C12orf56: variants seen among roughly 807,000 people sequenced by gnomAD.
The protein encoded by C12orf56 is uncharacterized protein C12orf56.
In C12orf56, 71 loss-of-function variants were observed where a neutral mutation model predicts 69.9. The ratio of observed to expected loss-of-function variants is 1.02; its 90% CI spans 0.84 to 1.24. The LOEUF is 1.24. Among genes scored for constraint, C12orf56 ranks in the 50% most tolerant of loss-of-function variants. The pLI is 0.00. For missense variants in C12orf56, 732 were observed against 738.5 expected, an observed-to-expected ratio of 0.99 and a Z score of 0.10; for synonymous variants, 276 against 274.1, an observed-to-expected ratio of 1.01 and a Z score of -0.07.
chr12:64,355,248 A>T (rs1485990461), intron 1 of C12orf56, among the ~76,000 whole-genome samples: 1 of 152,194 alleles, frequency 6.6e-6, no homozygotes, highest in African/African-American at 2.4e-5. Context: ...TATAAAATCT[A>T]AATCAAAGTA....
chr12:64,281,251 C>T (rs763678531), intron 8 of C12orf56, among the ~76,000 whole-genome samples: 17 of 149,230 alleles, frequency 1.1e-4, no homozygotes, highest in African/African-American at 2.2e-4. Context: ...CCAGCCCTGG[C>T]GACAGAGCAA....
intron 6 of C12orf56, among the ~76,000 whole-genome samples, chr12:64,294,578 A>C (rs919159617): frequency 6.6e-6 from 1 of 152,180 alleles, no homozygotes; most frequent in African/African-American, 2.4e-5. Context: ...CAGTCACAAA[A>C]AGACAAGTAC....
intron 1 of C12orf56, among the ~76,000 whole-genome samples, chr12:64,360,598 A>C (rs1198405239): frequency 6.6e-6 from 1 of 152,168 alleles, no homozygotes; most frequent in Non-Finnish European, 1.5e-5. Flanking sequence ...GTCCTAAAAT[A>C]AGCTCAAAGT....
Position 64,390,548 on chromosome 12 carries a change from C to G in C12orf56, c.18G>C (p.Pro6=). The change falls in exon 1 of 13, where the codon CCG becomes CCC. Residue 6 remains proline (P), a synonymous_variant. Transcript: ENST00000543942. ...TGTTCCTGCGCGCGGGGAAGCCGGA[C>G]GGCAAGGGGCTGGCCATGCCCGGCG... The part of the protein sequence containing the change: MASPL[P]SGFPARRNSR... 1.3e-6 allele frequency: 2 copies of G among 1,592,884 alleles called. No individual in the cohort carries two copies. Among genetic ancestry groups the G allele is most frequent in the Non-Finnish European group, 1.7e-6 (2 of 1,176,444 alleles).
intron 2 of C12orf56, among the ~76,000 whole-genome samples, chr12:64,337,854 CAAAAAAA>C (rs748434656): frequency 3.3e-5 from 3 of 90,760 alleles, no homozygotes; most frequent in African/African-American, 1.3e-4. Flanking sequence ...AAAATTCTGT[CAAAAAAA>C]AAAAAAAAAA....
At position 64,285,986 on chromosome 12, in the gene C12orf56, TA is replaced by T. The variant is rs1362874097; in HGVS notation, c.1187del (p.Leu396HisfsTer21). The T allele has an allele frequency of 6.2e-7, 1 of 1,609,388 alleles. No individual in the cohort carries two copies. The highest frequency in any genetic ancestry group is 1.7e-5 in the Admixed American group (1 of 59,696). On this transcript the variant is annotated frameshift_variant, in exon 7 of 13. Transcript: ENST00000543942. LOFTEE classifies it high-confidence loss of function. Reference sequence around the variant, plus strand: ...CATCAACCCTTTGGCTTTGATTTTGTAGTGCATTCTTATCCCTAGACTCCGG... The same window carrying T: ...CATCAACCCTTTGGCTTTGATTTTGTGTGCATTCTTATCCCTAGACTCCGG... ...YLPESRDKNA[L>X]QNQSQRVDEL...
chr12:64,341,489 T>G (rs1360284606), intron 2 of C12orf56, among the ~76,000 whole-genome samples: 3 of 152,146 alleles, frequency 2.0e-5, no homozygotes, highest in Non-Finnish European at 4.4e-5. Flanking sequence ...ATCCAGCTGC[T>G]TCAGGATGAG....
intron 2 of C12orf56, among the ~76,000 whole-genome samples, chr12:64,335,209 G>T (rs2038979071): frequency 6.6e-6 from 1 of 152,066 alleles, no homozygotes; most frequent in African/African-American, 2.4e-5. Context: ...CTGAGGTCAG[G>T]AGTTCGTGAC....
intron 6 of C12orf56, among the ~76,000 whole-genome samples, chr12:64,295,470 G>A (rs1250639338): frequency 6.6e-6 from 1 of 152,030 alleles, no homozygotes; most frequent in Non-Finnish European, 1.5e-5. Context: ...GGGCAACATG[G>A]TGAAACCCCT....
intron 1 of C12orf56, among the ~76,000 whole-genome samples, chr12:64,353,946 G>A (rs1592480955): frequency 6.6e-6 from 1 of 152,224 alleles, no homozygotes; most frequent in East Asian, 1.9e-4. Context: ...CTCCCAAAGT[G>A]CTGGGATTAT....
At chr12:64,309,105 A>G (rs1439824933) in intron 5 of C12orf56, among the ~76,000 whole-genome samples, 1 of 152,186 alleles carries the variant, frequency 6.6e-6, no homozygotes, top group Non-Finnish European at 1.5e-5. Flanking sequence ...ACACACATAT[A>G]TACTTTTTAA....
intron 3 of C12orf56, among the ~76,000 whole-genome samples, chr12:64,328,926 G>A (rs1206260665): frequency 4.0e-5 from 6 of 150,514 alleles, no homozygotes; most frequent in East Asian, 3.9e-4. Flanking sequence ...TTAGACAGGC[G>A]TGGTGGTGGG....
At chr12:64,365,464 C>T (rs2135965136) in intron 1 of C12orf56, among the ~76,000 whole-genome samples, 1 of 151,604 alleles carries the variant, frequency 6.6e-6, no homozygotes, top group Admixed American at 6.6e-5. Flanking sequence ...CACGCCCGGC[C>T]GCTATTCCCA....
chr12:64,308,929 AAAGAAAGAAAG>A (rs1191793869), intron 5 of C12orf56, among the ~76,000 whole-genome samples: 32 of 45,606 alleles, frequency 7.0e-4, no homozygotes, highest in Admixed American at 1.2e-3. Context: ...AGAAAGAAAG[AAAGAAAGAAAG>A]AAGAAAGAAA....
At chr12:64,324,882 A>G (rs1431485643) in intron 3 of C12orf56, among the ~76,000 whole-genome samples, 4 of 152,150 alleles carry the variant, frequency 2.6e-5, no homozygotes, top group African/African-American at 9.7e-5. Context: ...ACATATTATG[A>G]ACTCAGGAGT....
intron 1 of C12orf56, among the ~76,000 whole-genome samples, chr12:64,361,443 A>T (rs2039399404): frequency 6.6e-6 from 1 of 152,124 alleles, no homozygotes; most frequent in African/African-American, 2.4e-5. Flanking sequence ...TACAGGTCAT[A>T]AAGACCTTGC....
rs2136734277 is a variant in C12orf56, at chr12:64,265,222, TCCC to T, written c.*1958_*1960del. The T allele has an allele frequency of 6.6e-6, 1 of 152,202 alleles. No individual in the cohort carries two copies. The highest frequency in any genetic ancestry group is 2.1e-4 in the South Asian group (1 of 4,812). 9.4% of individuals were successfully genotyped at this position (152,202 alleles called of 1,614,324 possible). A position where few individuals can be genotyped will look rare whatever the true frequency, so the allele number is the denominator to read the frequency against. Reference sequence around the variant, plus strand: ...TTGATTGACCGTCTCTTGAAAATAATCCCCCATCTAACAGCCAGGACACTCAAA... The same window carrying T: ...TTGATTGACCGTCTCTTGAAAATAATCCATCTAACAGCCAGGACACTCAAA... On this transcript the variant is annotated 3_prime_UTR_variant, in exon 13 of 13. Coordinates refer to ENST00000543942, the MANE Select transcript of C12orf56 (RefSeq NM_001170633.2).
rs562006453 is a variant in C12orf56 at position 64,302,331 on chromosome 12, C to A, written c.1113+1304G>T. Among the ~76,000 whole-genome samples the A allele has an allele frequency of 8.4e-4, 128 of 152,228 alleles. 1 individual carries two copies. Among genetic ancestry groups the A allele is most frequent in the Non-Finnish European group, 1.4e-3 (94 of 68,026 alleles). ...ATTCTCTACAGCTAATCTGCCTTCA[C>A]CGTACTGATTTGCTTGGAACTGTTC... On this transcript the variant is annotated intron_variant, in intron 6 of 12. Coordinates refer to ENST00000543942, the MANE Select transcript of C12orf56 (RefSeq NM_001170633.2).
rs761485740 is a variant in C12orf56, at chr12:64,286,038, A to T, written c.1136T>A (p.Ile379Lys). The T allele has an allele frequency of 6.2e-6, 10 of 1,606,020 alleles. No homozygotes were observed. Among genetic ancestry groups the T allele is most frequent in the South Asian group, 3.3e-5 (3 of 90,088 alleles). Residue 379 changes from isoleucine (I) to lysine (K), a missense_variant, in exon 7 of 13, where the codon ATA (isoleucine) becomes AAA (lysine). By Grantham distance (102) the Ile-to-Lys change is moderately radical (BLOSUM62 -3). Coordinates refer to ENST00000543942, the MANE Select transcript of C12orf56 (RefSeq NM_001170633.2). ...FWKTSDLFYF[I>K]VNKLHEYLPE... ...CAAGTACTCATGAAGTTTGTTTACTATGAAATAGAAAAGGTCACTGGTCTG... is the reference window on the plus strand; with the variant it reads ...CAAGTACTCATGAAGTTTGTTTACTTTGAAATAGAAAAGGTCACTGGTCTG...
Sources: allele counts gnomAD v4.1 joint callset (sites outside exome capture counted in the v4.1 genomes callset), GRCh38; gene constraint gnomAD v4.1.1; transcripts MANE v1.5; gene names NCBI Gene and HGNC (gene_info 2026-07-23, HGNC 2026-07-21).